The following TRPV3 variants were observed in gnomAD, a reference collection of about 807,000 sequenced individuals.
The protein encoded by TRPV3 is transient receptor potential cation channel subfamily V member 3.
Under a neutral mutation model 87.1 loss-of-function variants are expected in TRPV3, and 88 were observed. The observed-to-expected ratio is 1.01, with a 90% CI of 0.85 to 1.21. The LOEUF is 1.21. Among genes scored for constraint, TRPV3 ranks in the 50% most tolerant of loss-of-function variants. TRPV3 has a pLI of 0.00. For synonymous variants in TRPV3, 438 were observed against 423.3 expected, an observed-to-expected ratio of 1.03 and a Z score of -0.43; for missense variants, 1,054 against 1,030.1, an observed-to-expected ratio of 1.02 and a Z score of -0.32.
intron 13 of TRPV3, among the ~76,000 whole-genome samples, chr17:3,521,316 A>C (rs1404830740): frequency 1.3e-5 from 2 of 152,114 alleles, no homozygotes; most frequent in African/African-American, 2.4e-5. Flanking sequence ...TGGAATCCTC[A>C]CACTTGCTGG....
rs1231041146 is a variant in TRPV3, at chr17:3,512,372, A to G, written c.*1545T>C. The stretch of plus-strand genomic sequence containing the variant: ...CCCCAATCGGCCCCATCAGGGGCAC[A>G]AAGTCTCTATCTGTCCAGCTAGTCT... On this transcript the variant is annotated 3_prime_UTR_variant, in exon 18 of 18. Coordinates refer to ENST00000576742, the MANE Select transcript of TRPV3 (RefSeq NM_145068.4). 1 of 152,204 alleles carries G rather than the reference A, an allele frequency of 6.6e-6. No homozygotes were observed. Among genetic ancestry groups the G allele is most frequent in the Admixed American group, 6.6e-5 (1 of 15,264 alleles). The allele number at this position is 152,204 out of a possible 1,614,324, so 9.4% of individuals were successfully genotyped here.
At chr17:3,531,090 ACC>A (rs2074345826) in intron 8 of TRPV3, among the ~76,000 whole-genome samples, 2 of 150,866 alleles carry the variant, frequency 1.3e-5, no homozygotes, top group African/African-American at 4.9e-5. Context: ...AAACAAAAAA[ACC>A]AAAAATTCCC....
chr17:3,545,684 GA>G (rs909358263), intron 2 of TRPV3, among the ~76,000 whole-genome samples: 7 of 146,610 alleles, frequency 4.8e-5, no homozygotes, highest in African/African-American at 7.5e-5. Flanking sequence ...AAGGAGGAAA[GA>G]AAAAAAAAAG....
intron 17 of TRPV3, chr17:3,514,378 C>T (rs760226906): frequency 3.4e-6 from 2 of 581,290 alleles, no homozygotes; most frequent in Non-Finnish European, 6.1e-6. Flanking sequence ...CGCGCCCGGC[C>T]TGCATGATGT....
chr17:3,537,247 C>T (rs766093094), intron 6 of TRPV3, among the ~76,000 whole-genome samples: 1 of 151,964 alleles, frequency 6.6e-6, no homozygotes, highest in Non-Finnish European at 1.5e-5. Context: ...TGTCTCAGCC[C>T]CCCAAAAGCT....
chr17:3,519,908 G>GGATGATTA (rs1597467938), intron 14 of TRPV3, among the ~76,000 whole-genome samples: 16 of 68,394 alleles, frequency 2.3e-4, no homozygotes, highest in East Asian at 2.1e-3. Flanking sequence ...ATGATTAGAT[G>GGATGATTA]GATGGATGGA....
intron 12 of TRPV3, 28 bp downstream of exon 12, chr17:3,526,826 C>T (rs750108484): frequency 9.4e-6 from 15 of 1,590,906 alleles, no homozygotes; most frequent in Admixed American, 6.9e-5. Context: ...GCCTGTGAGG[C>T]GATAACCAAG....
Position 3,554,784 on chromosome 17 carries a change from G to A in TRPV3, c.67C>T (p.Pro23Ser). The part of the protein sequence containing the change: ...GKRVAAPSGN[P>S]AILPEKRPAE... ...GGCCTCTTCTCTGGCAGGATGGCAG[G>A]GTTCCCACTGGGGGCAGCAACTCTC... Residue 23 changes from proline (P) to serine (S), a missense_variant, in exon 2 of 18, where the codon CCT (proline) becomes TCT (serine). Physicochemically the swap from Pro to Ser is moderately conservative, Grantham distance 74 (BLOSUM62 -1). Coordinates refer to ENST00000576742, the MANE Select transcript of TRPV3 (RefSeq NM_145068.4). 1 of 1,612,944 alleles carries A rather than the reference G, an allele frequency of 6.2e-7. No individual in the cohort carries two copies. The highest frequency in any genetic ancestry group is 8.5e-7 in the Non-Finnish European group (1 of 1,179,608).
intron 4 of TRPV3, among the ~76,000 whole-genome samples, chr17:3,544,016 TTTTTTTA>T: frequency 6.6e-6 from 1 of 152,176 alleles, no homozygotes; most frequent in Non-Finnish European, 1.5e-5. Flanking sequence ...TCTTTTTTCT[TTTTTTTA>T]TTTGAGACAG....
intron 7 of TRPV3, among the ~76,000 whole-genome samples, chr17:3,534,805 A>G (rs546820566): frequency 6.6e-6 from 1 of 152,190 alleles, no homozygotes; most frequent in African/African-American, 2.4e-5. Flanking sequence ...AGGACACCTA[A>G]GTCAATGCCC....
At chr17:3,545,860 G>T (rs1001974641) in intron 2 of TRPV3, among the ~76,000 whole-genome samples, 7 of 150,322 alleles carry the variant, frequency 4.7e-5, no homozygotes, top group African/African-American at 1.7e-4. Flanking sequence ...CATGATGGCA[G>T]GCACCTGTAA....
At position 3,543,604 on chromosome 17, in the gene TRPV3, C is replaced by G; in HGVS notation, c.336G>C (p.Gln112His). 6.2e-7 allele frequency: 1 copy of G among 1,614,168 alleles called. No individual in the cohort carries two copies. The highest frequency in any genetic ancestry group is 8.5e-7 in the Non-Finnish European group (1 of 1,180,034). Residue 112 changes from glutamine to histidine, a missense_variant, in exon 5 of 18, where the codon CAG becomes CAC. Physicochemically the swap from Gln to His is conservative, Grantham distance 24. Transcript: ENST00000576742. ...TCTTCAGCCGCCTCTTTTTCCTCCT[C>G]TGCTCTTCCTTGGCCAGCTGTGCAC... is the stretch of plus-strand genomic sequence containing the variant. ...SPSAQLAKEE[Q>H]RRKKRRLKKR...
chr17:3,537,887 CTTT>C (rs68078112), intron 6 of TRPV3, among the ~76,000 whole-genome samples: 5 of 108,304 alleles, frequency 4.6e-5, no homozygotes, highest in Admixed American at 1.0e-4. Flanking sequence ...AAGACTCTGT[CTTT>C]TTAAAAAAAA....
At chr17:3,514,935 G>A (rs527529998) in intron 16 of TRPV3, among the ~76,000 whole-genome samples, 1 of 152,304 alleles carries the variant, frequency 6.6e-6, no homozygotes, top group Non-Finnish European at 1.5e-5. Flanking sequence ...CCAGACAGGT[G>A]TAAAGGGTCC....
At position 3,535,595 on chromosome 17, in the gene TRPV3, G is replaced by A; in HGVS notation, c.762C>T (p.Tyr254=). ...HAKGAFFNPK[Y]QHEGFYFGET... Reference sequence around the variant, plus strand: ...CACCGAAGTAGAAGCCTTCGTGTTGGTACTTGGGGTTGAAGAAGGCCCCCT... The same window carrying A: ...CACCGAAGTAGAAGCCTTCGTGTTGATACTTGGGGTTGAAGAAGGCCCCCT... The change falls in exon 7 of 18, where the codon TAC becomes TAT. Residue 254 remains tyrosine (Y), a synonymous_variant. Transcript: ENST00000576742. The A allele has an allele frequency of 6.2e-7, 1 of 1,608,378 alleles. No individual in the cohort carries two copies. The highest frequency in any genetic ancestry group is 8.5e-7 in the Non-Finnish European group (1 of 1,178,192).
At chr17:3,542,425 G>C (rs2074472310) in intron 6 of TRPV3, 97 bp downstream of exon 6, 1 of 1,386,494 alleles carries the variant, frequency 7.2e-7, no homozygotes, top group African/African-American at 1.4e-5. Flanking sequence ...CTCAATGGCA[G>C]CAGTGCCTCC....
intron 13 of TRPV3, among the ~76,000 whole-genome samples, chr17:3,522,293 T>C (rs1332415742): frequency 3.3e-5 from 5 of 152,138 alleles, no homozygotes. Flanking sequence ...TAGCTGGAAA[T>C]TGGCCCTGAG....
rs756150733 is a variant in TRPV3 at position 3,516,508 on chromosome 17, C to A, written c.2147G>T (p.Arg716Leu). 2.5e-6 allele frequency: 4 copies of A among 1,614,010 alleles called. No individual in the cohort carries two copies. The highest frequency in any genetic ancestry group is 3.4e-6 in the Non-Finnish European group (4 of 1,180,022). Residue 716 changes from arginine (R) to leucine (L), a missense_variant, in exon 16 of 18, where the codon CGG becomes CTG. By Grantham distance (102) the Arg-to-Leu change is moderately radical. Transcript: ENST00000576742. ...GGCCACTTTGCACAGCTCTCCCATCCGGAATCTGCTCCTCAGCCATTCTGG... is the reference window on the plus strand; with the variant it reads ...GGCCACTTTGCACAGCTCTCCCATCAGGAATCTGCTCCTCAGCCATTCTGG... ...MLPEWLRSRF[R>L]MGELCKVAED...
At chr17:3,554,580 C>A (rs1443746584) in intron 2 of TRPV3, 152 bp downstream of exon 2, 16 of 625,498 alleles carry the variant, frequency 2.6e-5, no homozygotes, top group East Asian at 1.1e-4. Context: ...ACCGCACCAT[C>A]CCCTAGTCAT....
Sources: gnomAD v4.1 joint callset for allele counts (sites outside exome capture counted in the v4.1 genomes callset) on GRCh38, gnomAD v4.1.1 for gene constraint, MANE v1.5 for transcripts, NCBI Gene and HGNC (gene_info 2026-07-23, HGNC 2026-07-21) for gene names.